PTPRN2: variants seen among roughly 807,000 people sequenced by gnomAD.
PTPRN2 encodes the protein protein tyrosine phosphatase receptor type N2.
Under a neutral mutation model 118.8 loss-of-function variants are expected in PTPRN2, and 74 were observed. The ratio of observed to expected loss-of-function variants is 0.62; its 90% CI spans 0.52 to 0.76. PTPRN2 has a LOEUF of 0.76. Ranked by LOEUF, PTPRN2 falls within the 30% of genes least tolerant of loss-of-function variation. The pLI is 0.00. For synonymous variants in PTPRN2, 641 were observed against 608.0 expected (o/e 1.05, Z -0.80); for missense variants, 1,481 against 1,394.4 (o/e 1.06, Z -0.99).
intron 4 of PTPRN2, among the ~76,000 whole-genome samples, chr7:158,199,428 C>A (rs1231069697): frequency 6.6e-6 from 1 of 152,210 alleles, no homozygotes; most frequent in African/African-American, 2.4e-5. Flanking sequence ...AAGAGAAGAA[C>A]CAGCAGGAGA....
intron 13 of PTPRN2, among the ~76,000 whole-genome samples, chr7:157,662,528 G>C (rs1198428684): frequency 6.6e-6 from 1 of 152,324 alleles, no homozygotes; most frequent in South Asian, 2.1e-4. Context: ...CCGTGGGGCC[G>C]GGAGGAGGGG....
At position 157,591,069 on chromosome 7, in the gene PTPRN2, G is replaced by C. The variant is rs1800958484; in HGVS notation, c.2496+4169C>G. 6.6e-6 allele frequency among the ~76,000 whole-genome samples: 1 copy of C among 152,174 alleles called. No homozygotes were observed. Among genetic ancestry groups the C allele is most frequent in the East Asian group, 1.9e-4 (1 of 5,184 alleles). ...GGTGAGGTCACACAGGCTAGGATGA[G>C]CTCTCAGTCCAATGACTGACATCCT... On this transcript the variant is annotated intron_variant, in intron 17 of 22. Coordinates refer to ENST00000389418, the MANE Select transcript of PTPRN2 (RefSeq NM_002847.5). This position sits in a 1 kb window ranked among gnomAD's most constrained non-coding sequence, Gnocchi z 4.4.
rs1130500 is a variant in PTPRN2 at position 158,138,427 on chromosome 7, A to G, written c.999T>C (p.Ala333=). Residue 333 remains alanine (A), a synonymous_variant, in exon 7 of 23, where the codon GCT becomes GCC. Coordinates refer to ENST00000389418, the MANE Select transcript of PTPRN2 (RefSeq NM_002847.5). The part of the protein sequence containing the change: ...GLSGLELDGM[A]ELMAGLMQGV... Reference sequence around the variant, plus strand: ...CTTGCATCAGGCCAGCCATCAGCTCAGCCATGCCGTCCAGCTCCAGGCCAC... The same window carrying G: ...CTTGCATCAGGCCAGCCATCAGCTCGGCCATGCCGTCCAGCTCCAGGCCAC... 0.32 allele frequency: 514,038 copies of G among 1,613,030 alleles called. 85,101 individuals are homozygous for G. The highest frequency in any genetic ancestry group is 0.51 in the East Asian group (22,946 of 44,834).
chr7:158,016,002 T>C (rs536901783), intron 11 of PTPRN2, among the ~76,000 whole-genome samples: 34 of 152,102 alleles, frequency 2.2e-4, no homozygotes, highest in Non-Finnish European at 4.4e-4. Flanking sequence ...TTTCAGGTTC[T>C]GGGGGCCTCG....
At chr7:158,269,737 GAC>G (rs1177466734) in intron 3 of PTPRN2, among the ~76,000 whole-genome samples, 2 of 110,252 alleles carry the variant, frequency 1.8e-5, no homozygotes, top group Non-Finnish European at 3.6e-5. Context: ...GAAACAGAGA[GAC>G]AGAGACAGAG....
chr7:157,581,878 C>T (rs1012049229), intron 17 of PTPRN2, among the ~76,000 whole-genome samples: 2 of 152,188 alleles, frequency 1.3e-5, no homozygotes, highest in Non-Finnish European at 2.9e-5. Flanking sequence ...GGAGACACCT[C>T]GAGAAGGCAC....
At position 158,311,715 on chromosome 7, in the gene PTPRN2, A is replaced by G. The variant is rs138556787; in HGVS notation, c.277+5104T>C. On this transcript the variant is annotated intron_variant, in intron 3 of 22. Coordinates refer to ENST00000389418, the MANE Select transcript of PTPRN2 (RefSeq NM_002847.5). The stretch of plus-strand genomic sequence containing the variant: ...GCAAGAAGTGGCCTGGATGAAGACG[A>G]CAGGCAGAAGCACAGGATCAACTCT... Among the ~76,000 whole-genome samples, 625 of 152,378 alleles carry G rather than the reference A, an allele frequency of 4.1e-3. 8 individuals are homozygous for G. Among genetic ancestry groups the G allele is most frequent in the African/African-American group, 0.014 (587 of 41,592 alleles).
In PTPRN2 at chr7:158,526,431, C is replaced by A. The variant is rs1824788162; in HGVS notation, c.113-36646G>T. ...CGGGGCACAGGCAACCACGTTCCCA[C>A]AAACACAGGGTCTGGAGGTCTCTCC... On this transcript the variant is annotated intron_variant, in intron 1 of 22. Transcript: ENST00000389418. The surrounding 1 kb of genome is among the most constrained non-coding windows in gnomAD (Gnocchi z 5.2). Among the ~76,000 whole-genome samples, 1 of 152,230 alleles carries A rather than the reference C, an allele frequency of 6.6e-6. No homozygotes were observed. The highest frequency in any genetic ancestry group is 2.4e-5 in the African/African-American group (1 of 41,470).
At chr7:158,252,338 G>A (rs914312250) in intron 3 of PTPRN2, among the ~76,000 whole-genome samples, 7 of 152,162 alleles carry the variant, frequency 4.6e-5, no homozygotes, top group African/African-American at 1.2e-4. Context: ...AATCATCCCC[G>A]TGCCCAGGGT....
chr7:158,019,117 G>A (rs1008371975), intron 11 of PTPRN2, among the ~76,000 whole-genome samples: 1 of 152,150 alleles, frequency 6.6e-6, no homozygotes, highest in Non-Finnish European at 1.5e-5. Flanking sequence ...GATCCCCCAC[G>A]GAAGCACTTG....
At chr7:158,024,364 G>C (rs1329686325) in intron 11 of PTPRN2, among the ~76,000 whole-genome samples, 1 of 152,186 alleles carries the variant, frequency 6.6e-6, no homozygotes, top group Non-Finnish European at 1.5e-5. Context: ...CAGGTTCCCT[G>C]AGCTGTCCAC....
At chr7:158,405,987 G>A (rs991162235) in intron 2 of PTPRN2, among the ~76,000 whole-genome samples, 9 of 147,198 alleles carry the variant, frequency 6.1e-5, no homozygotes, top group Admixed American at 1.4e-4. Context: ...CTGAGATCCC[G>A]CAGTGGCTCA....
chr7:158,425,415 G>A (rs1427345613), intron 2 of PTPRN2, among the ~76,000 whole-genome samples: 5 of 30,538 alleles, frequency 1.6e-4, no homozygotes, highest in Admixed American at 6.1e-4. Context: ...AAAGACGCGG[G>A]GTCCGAGACC....
In PTPRN2 at chr7:158,214,578, T is replaced by A. The variant is rs182063343; in HGVS notation, c.278-9305A>T. Among the ~76,000 whole-genome samples the A allele has an allele frequency of 5.5e-3, 838 of 152,200 alleles. 2 individuals carry two copies. The highest frequency in any genetic ancestry group is 8.3e-3 in the Non-Finnish European group (563 of 67,994). ...CCTACCCATGCCAACAAAGGCCAAA[T>A]GGGGATCTAGACTTCCTCTTTCATG... is the stretch of plus-strand genomic sequence containing the variant. On this transcript the variant is annotated intron_variant, in intron 3 of 22. Coordinates refer to ENST00000389418, the MANE Select transcript of PTPRN2 (RefSeq NM_002847.5).
Position 158,262,832 on chromosome 7 carries a change from C to T in PTPRN2, c.277+53987G>A, listed in dbSNP as rs926234338. On this transcript the variant is annotated intron_variant, in intron 3 of 22. Coordinates refer to ENST00000389418, the MANE Select transcript of PTPRN2 (RefSeq NM_002847.5). ...CACACATTCACACTGCACACATTCA[C>T]ACACTACACACACATACATACATTC... 7.4e-5 allele frequency among the ~76,000 whole-genome samples: 11 copies of T among 148,250 alleles called. No homozygotes were observed. The East Asian group carries it at 1.2e-3, about 16-fold the overall frequency.
chr7:158,481,834 GGTAAA>G (rs1313358775), intron 2 of PTPRN2, among the ~76,000 whole-genome samples: 9 of 152,150 alleles, frequency 5.9e-5, no homozygotes, highest in African/African-American at 1.9e-4. Context: ...GACTGATCTG[GGTAAA>G]GTAAATTGAA....
rs147275543 is a variant in PTPRN2, at chr7:158,311,076, A to G, written c.277+5743T>C. Among the ~76,000 whole-genome samples, 5 of 152,280 alleles carry G rather than the reference A, an allele frequency of 3.3e-5. 1 individual carries two copies. In the East Asian group the frequency reaches 5.8e-4, roughly 18 times the overall value. On this transcript the variant is annotated intron_variant, in intron 3 of 22. Transcript: ENST00000389418. Reference sequence around the variant, plus strand: ...AAGGGCCCAGGATGGGAGGTAAAACAAGACAGGCGAGCACAGGGAGGGCGC... The same window carrying G: ...AAGGGCCCAGGATGGGAGGTAAAACGAGACAGGCGAGCACAGGGAGGGCGC...
intron 12 of PTPRN2, among the ~76,000 whole-genome samples, chr7:157,747,264 G>A (rs1185769624): frequency 1.3e-4 from 18 of 136,594 alleles, no homozygotes; most frequent in Admixed American, 5.1e-4. Flanking sequence ...TGAGCTGTGG[G>A]GTGTCCGGGT....
At chr7:158,205,085 AAAACAAAC>A in intron 4 of PTPRN2, 78 bp downstream of exon 4, 1 of 1,182,508 alleles carries the variant, frequency 8.5e-7, no homozygotes, top group South Asian at 1.3e-5. Context: ...TTGCTACATT[AAAACAAAC>A]AAACAAACAA....
Sources: allele counts gnomAD v4.1 joint callset (sites outside exome capture counted in the v4.1 genomes callset), GRCh38; gene constraint gnomAD v4.1.1; non-coding constraint Gnocchi (gnomAD v3.1); transcripts MANE v1.5; gene names NCBI Gene and HGNC (gene_info 2026-07-23, HGNC 2026-07-21).